The following BABAM2 variants were observed in gnomAD, a reference collection of about 807,000 sequenced individuals.
The protein encoded by BABAM2 is BRISC and BRCA1 A complex member 2.
In BABAM2, 31 loss-of-function variants were observed where a neutral mutation model predicts 54.7. The ratio of observed to expected loss-of-function variants is 0.57; its 90% CI spans 0.43 to 0.77. The LOEUF (loss-of-function observed/expected upper bound fraction) is 0.77, where lower values mean the gene tolerates loss of function less well. Among genes scored for constraint, BABAM2 ranks in the 30% least tolerant of loss-of-function variants. The pLI, the probability that BABAM2 is intolerant of heterozygous loss-of-function variation, is 0.00. For synonymous variants in BABAM2, 167 were observed against 162.9 expected, an observed-to-expected ratio of 1.03 and a Z score of -0.19; for missense variants, 364 against 455.8, an observed-to-expected ratio of 0.80 and a Z score of 1.83.
intron 6 of BABAM2, among the ~76,000 whole-genome samples, chr2:28,057,652 A>G (rs554884766): frequency 3.9e-5 from 6 of 152,200 alleles, no homozygotes; most frequent in African/African-American, 1.4e-4. Flanking sequence ...CTACAACTCA[A>G]ATAAAGGTAA....
chr2:28,306,994 C>CGT (rs1558517386), intron 11 of BABAM2, among the ~76,000 whole-genome samples: 3 of 73,132 alleles, frequency 4.1e-5, no homozygotes, highest in Non-Finnish European at 8.1e-5. Flanking sequence ...CCACACCTGG[C>CGT]CTTTTTTTTT....
rs951357139 is a variant in BABAM2, at chr2:28,092,668, A to G, written c.571-36603A>G. 3.3e-5 allele frequency among the ~76,000 whole-genome samples: 5 copies of G among 152,076 alleles called. No individual in the cohort carries two copies. The East Asian group carries it at 5.8e-4, about 18-fold the overall frequency. On this transcript the variant is annotated intron_variant, in intron 6 of 11. Coordinates refer to ENST00000379624, the MANE Select transcript of BABAM2 (RefSeq NM_199191.3). Reference sequence around the variant, plus strand: ...AAGCCTGGTTGAAGAATAGGGTAGCATGATTTTTAATTCTTCGATAGTATT... The same window carrying G: ...AAGCCTGGTTGAAGAATAGGGTAGCGTGATTTTTAATTCTTCGATAGTATT...
chr2:28,169,222 G>A (rs1227360681), intron 7 of BABAM2, among the ~76,000 whole-genome samples: 2 of 152,050 alleles, frequency 1.3e-5, no homozygotes, highest in Non-Finnish European at 2.9e-5. Flanking sequence ...TATTGTGAAT[G>A]TCTTTGGTTA....
intron 7 of BABAM2, among the ~76,000 whole-genome samples, chr2:28,183,504 G>A (rs1211935677): frequency 2.0e-5 from 3 of 152,052 alleles, no homozygotes; most frequent in African/African-American, 7.3e-5. Flanking sequence ...TAATAGTGAG[G>A]CCTGAAGTAA....
At chr2:28,241,975 G>A (rs1682485170) in intron 9 of BABAM2, among the ~76,000 whole-genome samples, 2 of 151,184 alleles carry the variant, frequency 1.3e-5, no homozygotes, top group Admixed American at 6.6e-5. Context: ...GGTGGTAACG[G>A]TCACTTTTTG....
intron 6 of BABAM2, among the ~76,000 whole-genome samples, chr2:28,102,588 A>G (rs949879286): frequency 6.6e-6 from 1 of 152,236 alleles, no homozygotes; most frequent in African/African-American, 2.4e-5. Flanking sequence ...TGGAAAGGCT[A>G]TCAGCCATCT....
chr2:28,240,896 C>T (rs1248498657), intron 8 of BABAM2, among the ~76,000 whole-genome samples: 1 of 146,860 alleles, frequency 6.8e-6, no homozygotes, highest in Non-Finnish European at 1.5e-5. Flanking sequence ...CAAAAAAAAC[C>T]CATTTATTTT....
chr2:27,930,898 G>A (rs918351812), intron 3 of BABAM2, among the ~76,000 whole-genome samples: 3 of 152,088 alleles, frequency 2.0e-5, no homozygotes, highest in African/African-American at 7.2e-5. Context: ...AGCCTATTAA[G>A]GTTTTTCCTA....
intron 4 of BABAM2, among the ~76,000 whole-genome samples, chr2:27,992,355 T>A (rs1397398989): frequency 1.3e-5 from 2 of 152,190 alleles, no homozygotes; most frequent in African/African-American, 4.8e-5. Flanking sequence ...AATATGGAAC[T>A]TGACCTCAAG....
chr2:28,154,382 A>C (rs1258670262), intron 7 of BABAM2, among the ~76,000 whole-genome samples: 2 of 152,222 alleles, frequency 1.3e-5, no homozygotes, highest in East Asian at 1.9e-4. Flanking sequence ...ACTTGGAGAA[A>C]CACGAATATT....
At chr2:27,922,359 A>T (rs994880479) in intron 2 of BABAM2, among the ~76,000 whole-genome samples, 7 of 152,170 alleles carry the variant, frequency 4.6e-5, no homozygotes, top group African/African-American at 1.7e-4. Flanking sequence ...GACAAATAAT[A>T]CTGGGAGTCA....
rs191632290 is a variant in BABAM2 at position 28,184,549 on chromosome 2, G to C, written c.681-52653G>C. 1.2e-3 allele frequency among the ~76,000 whole-genome samples: 170 copies of C among 142,830 alleles called. 1 individual carries two copies. The highest frequency in any genetic ancestry group is 4.0e-3 in the Admixed American group (53 of 13,124). 93.7% of individuals were successfully genotyped at this position (142,830 alleles called of 152,430 possible). On this transcript the variant is annotated intron_variant, in intron 7 of 11. Transcript: ENST00000379624. ...TGTGTCCAAGTGTTCTCATTGTTCAGTTCCCACCTACGAGTAAGAACATGC... is the reference window on the plus strand; with the variant it reads ...TGTGTCCAAGTGTTCTCATTGTTCACTTCCCACCTACGAGTAAGAACATGC...
chr2:28,168,761 A>C (rs1054149259), intron 7 of BABAM2, among the ~76,000 whole-genome samples: 1 of 152,234 alleles, frequency 6.6e-6, no homozygotes, highest in African/African-American at 2.4e-5. Context: ...ACTTGAAAAC[A>C]TCAGGAAGAT....
intron 3 of BABAM2, among the ~76,000 whole-genome samples, chr2:27,959,252 G>A (rs1245551455): frequency 1.3e-5 from 2 of 152,190 alleles, no homozygotes; most frequent in Admixed American, 6.5e-5. Flanking sequence ...ATGGTCCTAA[G>A]AGCCTAGGAA....
At chr2:28,006,818 C>T (rs995449919) in intron 4 of BABAM2, among the ~76,000 whole-genome samples, 22 of 151,638 alleles carry the variant, frequency 1.5e-4, no homozygotes, top group South Asian at 8.3e-4. Flanking sequence ...CCTCTGTATA[C>T]GATATATTTA....
intron 3 of BABAM2, among the ~76,000 whole-genome samples, chr2:27,985,378 CCAA>C (rs1211761434): frequency 2.0e-5 from 3 of 152,006 alleles, no homozygotes; most frequent in African/African-American, 4.8e-5. Context: ...CACATCTGCG[CCAA>C]CATCTATTAT....
chr2:28,320,275 G>A (rs947417150), intron 11 of BABAM2, among the ~76,000 whole-genome samples: 2 of 152,246 alleles, frequency 1.3e-5, no homozygotes, highest in African/African-American at 4.8e-5. Context: ...AGCCTACTGG[G>A]AACAAGAAGG....
chr2:27,961,039 A>G (rs1670426698), intron 3 of BABAM2, among the ~76,000 whole-genome samples: 1 of 152,162 alleles, frequency 6.6e-6, no homozygotes, highest in South Asian at 2.1e-4. Context: ...AAAAACTTCC[A>G]TTATTGTGTG....
chr2:28,165,596 A>G (rs1486908226), intron 7 of BABAM2, among the ~76,000 whole-genome samples: 1 of 115,986 alleles, frequency 8.6e-6, no homozygotes, highest in South Asian at 2.9e-4. Flanking sequence ...GTGCAGTGGT[A>G]TGATATTGTG....
Sources: gnomAD v4.1 joint callset for allele counts (sites outside exome capture counted in the v4.1 genomes callset) on GRCh38, gnomAD v4.1.1 for gene constraint, MANE v1.5 for transcripts, NCBI Gene and HGNC (gene_info 2026-07-23, HGNC 2026-07-21) for gene names.